The following BRD1 variants were observed in gnomAD, a reference collection of about 807,000 sequenced individuals.
BRD1 encodes the protein bromodomain containing 1, also known as bromodomain-containing protein 1.
Under a neutral mutation model 107.7 loss-of-function variants are expected in BRD1, and 24 were observed. The observed-to-expected ratio is 0.22, with a 90% CI of 0.16 to 0.31. The LOEUF (loss-of-function observed/expected upper bound fraction) is 0.31. BRD1 is among the 10% of genes least tolerant of loss of function. The pLI, the probability that BRD1 is intolerant of heterozygous loss-of-function variation, is 1.00. For missense variants in BRD1, 1,279 were observed against 1,638.6 expected (o/e 0.78, Z 3.79); for synonymous variants, 744 against 686.1 (o/e 1.08, Z -1.32).
chr22:49,809,610 A>T (rs2059812457), intron 2 of BRD1, among the ~76,000 whole-genome samples: 1 of 152,046 alleles, frequency 6.6e-6, no homozygotes, highest in African/African-American at 2.4e-5. Context: ...CTGAAGCTGG[A>T]CATAAGGAAA....
chr22:49,821,813 T>C (rs1346739909), intron 2 of BRD1, among the ~76,000 whole-genome samples: 1 of 151,896 alleles, frequency 6.6e-6, no homozygotes, highest in African/African-American at 2.4e-5. Context: ...TCCTGGAGGG[T>C]CTGTGTGGTA....
intron 8 of BRD1, among the ~76,000 whole-genome samples, chr22:49,784,267 G>A (rs566003904): frequency 2.4e-4 from 36 of 149,426 alleles, no homozygotes; most frequent in Non-Finnish European, 3.7e-4. Flanking sequence ...CGTGCACAGG[G>A]AGACTCGCGG....
chr22:49,807,609 T>C (rs1286541639), intron 2 of BRD1, among the ~76,000 whole-genome samples: 1 of 152,116 alleles, frequency 6.6e-6, no homozygotes, highest in Non-Finnish European at 1.5e-5. Context: ...CACACAAAAA[T>C]TAACTCAAAA....
At chr22:49,808,089 G>A (rs577169395) in intron 2 of BRD1, among the ~76,000 whole-genome samples, 4 of 152,284 alleles carry the variant, frequency 2.6e-5, no homozygotes, top group African/African-American at 9.6e-5. Context: ...CGGCAAGAAC[G>A]TAAAAAGGTG....
intron 2 of BRD1, 33 bp downstream of exon 2, chr22:49,822,918 C>T: frequency 6.2e-7 from 1 of 1,604,912 alleles, no homozygotes; most frequent in South Asian, 1.1e-5. Context: ...ACACTGCAGG[C>T]TCCTTGTGGA....
chr22:49,776,292 CG>C (rs2059098601), intron 10 of BRD1, 133 bp from the exon 11 acceptor site: 1 of 736,698 alleles, frequency 1.4e-6, no homozygotes, highest in Non-Finnish European at 2.3e-6. Context: ...TCAGCCACCC[CG>C]GCAGCACCAC....
Position 49,787,379 on chromosome 22 carries a change from G to A in BRD1, c.2857+11C>T, listed in dbSNP as rs541559316. ...GCAAGGGCGCCTCTCAGGGCCGCCC[G>A]CGGCATTTACCTGCGTCCAGGCGCT... On this transcript the variant is annotated intron_variant, in intron 8 of 12. Transcript: ENST00000404760. 4.7e-5 allele frequency: 70 copies of A among 1,495,664 alleles called. No individual in the cohort carries two copies. Among genetic ancestry groups the A allele is most frequent in the East Asian group, 1.6e-4 (5 of 30,888 alleles). The allele number at this position is 1,495,664 out of a possible 1,614,324, so 92.6% of individuals were successfully genotyped here. A position where few individuals can be genotyped will look rare whatever the true frequency, so the allele number is the denominator to read the frequency against.
intron 6 of BRD1, among the ~76,000 whole-genome samples, chr22:49,796,221 G>T (rs894402902): frequency 6.6e-6 from 1 of 151,894 alleles, no homozygotes; most frequent in Non-Finnish European, 1.5e-5. Flanking sequence ...CTCCCGAGTA[G>T]CTAGGACTAC....
chr22:49,807,681 A>G (rs770171731), intron 2 of BRD1, among the ~76,000 whole-genome samples: 1 of 152,360 alleles, frequency 6.6e-6, no homozygotes, highest in Admixed American at 6.5e-5. Flanking sequence ...GAAAAGCTTC[A>G]TGACACTGGA....
At chr22:49,775,769 G>A in intron 11 of BRD1, 24 bp from the exon 12 acceptor site, 1 of 1,563,306 alleles carries the variant, frequency 6.4e-7, no homozygotes, top group East Asian at 2.3e-5. Context: ...ACCCGCTGAG[G>A]TCATTGTGAG....
chr22:49,813,723 T>A (rs963081255), intron 2 of BRD1, among the ~76,000 whole-genome samples: 3 of 151,400 alleles, frequency 2.0e-5, no homozygotes, highest in Non-Finnish European at 4.4e-5. Context: ...TGCCAGTTAC[T>A]CGGGAAGCTG....
chr22:49,816,403 C>G (rs539502870), intron 2 of BRD1, among the ~76,000 whole-genome samples: 2 of 152,312 alleles, frequency 1.3e-5, no homozygotes, highest in South Asian at 4.1e-4. Flanking sequence ...GGGATCCTCA[C>G]AGGGCCTACC....
chr22:49,800,269 C>G (rs1402995948), intron 3 of BRD1, among the ~76,000 whole-genome samples: 2 of 152,182 alleles, frequency 1.3e-5, no homozygotes, highest in African/African-American at 4.8e-5. Flanking sequence ...ACCCCCACCC[C>G]CAAGGCCAGG....
At chr22:49,793,966 T>C (rs1225503298) in intron 7 of BRD1, 68 bp downstream of exon 7, 3 of 1,549,250 alleles carry the variant, frequency 1.9e-6, no homozygotes, top group African/African-American at 2.7e-5. Context: ...TCTGGGTCTG[T>C]GCCTGTGCCT....
Position 49,827,682 on chromosome 22 carries a change from G to A in BRD1, c.-200C>T, listed in dbSNP as rs1264924733. On this transcript the variant is annotated 5_prime_UTR_variant, in exon 1 of 13. Coordinates refer to ENST00000404760, the MANE Select transcript of BRD1 (RefSeq NM_001304808.3). ...TCCGGGCCCGGCAGCGGCGGCCGCG[G>A]ACTCTCGGGCAGCGGCTCGCGCGGC... Among the ~76,000 whole-genome samples, 2 of 145,318 alleles carry A rather than the reference G, an allele frequency of 1.4e-5. No individual in the cohort carries two copies. Among genetic ancestry groups the A allele is most frequent in the African/African-American group, 4.9e-5 (2 of 40,588 alleles).
Position 49,816,427 on chromosome 22 carries a change from G to A in BRD1, c.1367+6524C>T, listed in dbSNP as rs145897604. On this transcript the variant is annotated intron_variant, in intron 2 of 12. Coordinates refer to ENST00000404760, the MANE Select transcript of BRD1 (RefSeq NM_001304808.3). ...ACAGGGCCTACCTAGTGGACTCAAC[G>A]CCCCCAAGACAGAACAGCTTCCCCA... Among the ~76,000 whole-genome samples, 534 of 152,170 alleles carry A rather than the reference G, an allele frequency of 3.5e-3. 4 individuals are homozygous for A. Among genetic ancestry groups the A allele is most frequent in the African/African-American group, 0.012 (500 of 41,488 alleles).
intron 7 of BRD1, among the ~76,000 whole-genome samples, chr22:49,791,807 A>C (rs1307510645): frequency 1.3e-5 from 2 of 151,874 alleles, no homozygotes; most frequent in Non-Finnish European, 2.9e-5. Context: ...CTTTCAGGCC[A>C]CTTGCTTCTC....
rs369960913 is a variant in BRD1 at position 49,777,040 on chromosome 22, C to T, written c.3115G>A (p.Ala1039Thr). 3.5e-5 allele frequency: 56 copies of T among 1,612,938 alleles called. No individual in the cohort carries two copies. Among genetic ancestry groups the T allele is most frequent in the Non-Finnish European group, 4.6e-5 (54 of 1,179,990 alleles). Residue 1039 changes from alanine (A) to threonine (T), a missense_variant, in exon 10 of 13, where the codon GCA becomes ACA. Physicochemically the swap from Ala to Thr is moderately conservative, Grantham distance 58. Coordinates refer to ENST00000404760, the MANE Select transcript of BRD1 (RefSeq NM_001304808.3). ...GCAGGTCCGGGCGACTCACCGGCTGCGATCCTGGCCGCCTTGGCGTAGTTC... is the reference window on the plus strand; with the variant it reads ...GCAGGTCCGGGCGACTCACCGGCTGTGATCCTGGCCGCCTTGGCGTAGTTC... ...NGNYAKAARI[A>T]AEVGQSSMWI...
chr22:49,824,024 T>C lies in BRD1; in HGVS notation c.294A>G (p.Lys98=), dbSNP rs2060117898. 5 of 1,613,858 alleles carry C rather than the reference T, an allele frequency of 3.1e-6. No homozygotes were observed. The highest frequency in any genetic ancestry group is 3.4e-6 in the Non-Finnish European group (4 of 1,180,026). The change falls in exon 2 of 13, where the codon AAA becomes AAG. Residue 98 remains lysine (K), a synonymous_variant. Coordinates refer to ENST00000404760, the MANE Select transcript of BRD1 (RefSeq NM_001304808.3). The surrounding 1 kb of genome is among the most constrained non-coding windows in gnomAD (Gnocchi z 5.9). The part of the protein sequence containing the change: ...RTKRHKNNRV[K]KKNEALPSAH... ...CGCTGGGGAGGGCCTCGTTTTTCTT[T>C]TTGACTCTGTTGTTTTTGTGACGCT...
Sources: allele counts gnomAD v4.1 joint callset (sites outside exome capture counted in the v4.1 genomes callset), GRCh38; gene constraint gnomAD v4.1.1; non-coding constraint Gnocchi (gnomAD v3.1); transcripts MANE v1.5; gene names NCBI Gene and HGNC (gene_info 2026-07-23, HGNC 2026-07-21).